ERC1: variants seen among roughly 807,000 people sequenced by gnomAD.
The protein encoded by ERC1 is ELKS/RAB6-interacting/CAST family member 1.
In ERC1, 56 loss-of-function variants were observed where a neutral mutation model predicts 132.0. The ratio of observed to expected loss-of-function variants is 0.42; its 90% CI spans 0.34 to 0.53. ERC1 has a LOEUF of 0.53. ERC1 is among the 20% of genes least tolerant of loss of function. The pLI, the probability that ERC1 is intolerant of heterozygous loss-of-function variation, is 0.03. For missense variants in ERC1, 1,202 were observed against 1,349.9 expected (o/e 0.89, Z 1.72); for synonymous variants, 478 against 476.1 (o/e 1.00, Z -0.05).
chr12:1,494,211 C>T lies in ERC1; in HGVS notation c.*3981C>T, dbSNP rs187592116. On this transcript the variant is annotated 3_prime_UTR_variant, in exon 19 of 19. Transcript: ENST00000360905. ...GGCCTCCTCTTCACCTGCCTGGGTTCGGAACTGAGGAGGAAGGATGAGAAG... is the reference window on the plus strand; with the variant it reads ...GGCCTCCTCTTCACCTGCCTGGGTTTGGAACTGAGGAGGAAGGATGAGAAG... 2.6e-5 allele frequency: 6 copies of T among 232,116 alleles called. No individual in the cohort carries two copies. The highest frequency in any genetic ancestry group is 8.8e-5 in the African/African-American group (4 of 45,372). The allele number at this position is 232,116 out of a possible 1,614,324, so 14.4% of individuals were successfully genotyped here.
intron 15 of ERC1, among the ~76,000 whole-genome samples, chr12:1,344,284 G>T (rs547177842): frequency 6.6e-6 from 1 of 152,290 alleles, no homozygotes; most frequent in East Asian, 1.9e-4. Flanking sequence ...GCCTGGTTCT[G>T]TGGCGGTGGC....
intron 17 of ERC1, among the ~76,000 whole-genome samples, chr12:1,416,806 G>C (rs2092140726): frequency 6.6e-6 from 1 of 152,188 alleles, no homozygotes; most frequent in South Asian, 2.1e-4. Context: ...ATGATTAAAT[G>C]AAGTAACATA....
intron 15 of ERC1, among the ~76,000 whole-genome samples, chr12:1,315,676 T>C (rs899370004): frequency 6.6e-6 from 1 of 152,052 alleles, no homozygotes; most frequent in Non-Finnish European, 1.5e-5. Context: ...TTCTCAGACT[T>C]ATTTTTTTAC....
intron 17 of ERC1, among the ~76,000 whole-genome samples, chr12:1,437,703 A>G (rs1487700454): frequency 6.6e-6 from 1 of 152,236 alleles, no homozygotes; most frequent in African/African-American, 2.4e-5. Flanking sequence ...ATCTCCTTAC[A>G]GCTTTGAGGA....
At chr12:1,453,554 A>G (rs1455624398) in intron 18 of ERC1, among the ~76,000 whole-genome samples, 1 of 152,216 alleles carries the variant, frequency 6.6e-6, no homozygotes. Context: ...GAAGAAAGCA[A>G]TCTTAAACAT....
chr12:1,017,766 T>A (rs1056869903), intron 1 of ERC1, among the ~76,000 whole-genome samples: 11 of 152,346 alleles, frequency 7.2e-5, no homozygotes, highest in Middle Eastern at 3.4e-3. Context: ...CCCAAAGTGC[T>A]AGGATTACAG....
chr12:1,164,823 G>T (rs759821558), intron 8 of ERC1, among the ~76,000 whole-genome samples: 3 of 152,154 alleles, frequency 2.0e-5, no homozygotes, highest in Non-Finnish European at 4.4e-5. Context: ...AAATCAAAGA[G>T]TGAGTTTTTT....
chr12:994,989 G>C (rs971536168), intron 1 of ERC1, among the ~76,000 whole-genome samples: 1 of 151,954 alleles, frequency 6.6e-6, no homozygotes, highest in Non-Finnish European at 1.5e-5. Flanking sequence ...CTGGCTACTC[G>C]CAAGGCTAAG....
intron 14 of ERC1, among the ~76,000 whole-genome samples, chr12:1,265,830 T>G (rs1396067846): frequency 6.6e-6 from 1 of 152,244 alleles, no homozygotes; most frequent in African/African-American, 2.4e-5. Flanking sequence ...TCAGATTGGC[T>G]TCTTTCACTC....
In ERC1 at chr12:1,159,382, A is replaced by G. The variant is rs190558741; in HGVS notation, c.1737+17595A>G. ...AGGATTCACGCTCTTGTGAGAATCTAATGCTGCCACTGATCTGACAGGAGG... is the reference window on the plus strand; with the variant it reads ...AGGATTCACGCTCTTGTGAGAATCTGATGCTGCCACTGATCTGACAGGAGG... On this transcript the variant is annotated intron_variant, in intron 8 of 18. Transcript: ENST00000360905. 2.6e-5 allele frequency among the ~76,000 whole-genome samples: 4 copies of G among 152,242 alleles called. No homozygotes were observed. In the East Asian group the frequency reaches 7.7e-4, roughly 29 times the overall value.
At chr12:1,297,120 A>G (rs1245809351) in intron 15 of ERC1, among the ~76,000 whole-genome samples, 6 of 152,118 alleles carry the variant, frequency 3.9e-5, no homozygotes, top group East Asian at 3.9e-4. Context: ...GGCACAGTGC[A>G]TAAAGGGAAA....
At chr12:1,004,649 A>G (rs1025378651) in intron 1 of ERC1, among the ~76,000 whole-genome samples, 13 of 150,984 alleles carry the variant, frequency 8.6e-5, no homozygotes, top group Non-Finnish European at 1.6e-4. Flanking sequence ...TTGTGATCCA[A>G]CCGCCTTGGC....
rs2093659596 is a variant in ERC1, at chr12:1,462,303, C to T, written c.3213+17553C>T. Reference sequence around the variant, plus strand: ...GAAGCAGTTTCTTATAGATGTACATCTATCCTGTAACCCAGGGATCCTATT... The same window carrying T: ...GAAGCAGTTTCTTATAGATGTACATTTATCCTGTAACCCAGGGATCCTATT... On this transcript the variant is annotated intron_variant, in intron 18 of 18. Transcript: ENST00000360905. Among the ~76,000 whole-genome samples the T allele has an allele frequency of 2.0e-5, 3 of 152,178 alleles. No individual in the cohort carries two copies. In the South Asian group the frequency reaches 6.2e-4, roughly 32 times the overall value.
chr12:1,067,223 T>G (rs1175223773), intron 2 of ERC1, among the ~76,000 whole-genome samples: 2 of 152,242 alleles, frequency 1.3e-5, no homozygotes, highest in Non-Finnish European at 2.9e-5. Context: ...TACAACTCAT[T>G]TTTTAACAAG....
At chr12:1,231,700 T>C (rs2154300181) in intron 12 of ERC1, among the ~76,000 whole-genome samples, 1 of 152,010 alleles carries the variant, frequency 6.6e-6, no homozygotes, top group African/African-American at 2.4e-5. Flanking sequence ...TGATGGCACC[T>C]CTGACTCCTT....
chr12:1,302,822 G>T (rs1404229968), intron 15 of ERC1, among the ~76,000 whole-genome samples: 2 of 152,008 alleles, frequency 1.3e-5, no homozygotes, highest in South Asian at 2.1e-4. Context: ...AAATAGCGGG[G>T]CATGGTGGCA....
At chr12:1,169,354 C>T (rs1280628454) in intron 8 of ERC1, among the ~76,000 whole-genome samples, 1 of 152,218 alleles carries the variant, frequency 6.6e-6, no homozygotes, top group Non-Finnish European at 1.5e-5. Context: ...CTCCCATGGA[C>T]ATCCAGTGAT....
intron 3 of ERC1, among the ~76,000 whole-genome samples, chr12:1,091,174 C>G (rs1362230743): frequency 6.6e-6 from 1 of 152,182 alleles, no homozygotes; most frequent in African/African-American, 2.4e-5. Flanking sequence ...CAGGCGTAAG[C>G]TACTGCACCC....
chr12:1,168,479 C>CT (rs746267742), intron 8 of ERC1, among the ~76,000 whole-genome samples: 6,208 of 91,908 alleles, frequency 0.068, 420 homozygotes, highest in African/African-American at 0.14. Context: ...AGTGACTGGT[C>CT]TTTTTTTTTT....
Sources: gnomAD v4.1 joint callset for allele counts (sites outside exome capture counted in the v4.1 genomes callset) on GRCh38, gnomAD v4.1.1 for gene constraint, MANE v1.5 for transcripts, NCBI Gene and HGNC (gene_info 2026-07-23, HGNC 2026-07-21) for gene names.